UHRF2: variants seen among roughly 807,000 people sequenced by gnomAD.
UHRF2 encodes the protein ubiquitin like with PHD and ring finger domains 2.
In UHRF2, 23 loss-of-function variants were observed where a neutral mutation model predicts 96.8. That is an observed-to-expected ratio of 0.24 (90% confidence interval 0.17 to 0.34). The LOEUF (loss-of-function observed/expected upper bound fraction) is 0.34, where lower values mean the gene tolerates loss of function less well. Among genes scored for constraint, UHRF2 ranks in the 10% least tolerant of loss-of-function variants. The pLI is 1.00. For synonymous variants in UHRF2, 385 were observed against 332.6 expected (o/e 1.16, Z -1.72); for missense variants, 685 against 981.5 (o/e 0.70, Z 4.04).
chr9:6,419,414 T>C (rs1392442868), intron 1 of UHRF2, among the ~76,000 whole-genome samples: 1 of 152,178 alleles, frequency 6.6e-6, no homozygotes, highest in Non-Finnish European at 1.5e-5. Context: ...TTAGAGAACT[T>C]CAGGCAAGTG....
chr9:6,491,426 C>G (rs977254893), intron 9 of UHRF2, among the ~76,000 whole-genome samples: 4 of 152,206 alleles, frequency 2.6e-5, no homozygotes, highest in African/African-American at 7.2e-5. Context: ...GTGTGTTACA[C>G]TAGCAGTGGT....
intron 3 of UHRF2, among the ~76,000 whole-genome samples, chr9:6,447,645 T>C (rs987973183): frequency 6.6e-6 from 1 of 152,170 alleles, no homozygotes; most frequent in Non-Finnish European, 1.5e-5. Context: ...TACATGTTTC[T>C]TTCCACTCCT....
At chr9:6,464,001 C>T (rs1822715255) in intron 4 of UHRF2, among the ~76,000 whole-genome samples, 2 of 152,116 alleles carry the variant, frequency 1.3e-5, no homozygotes, top group Non-Finnish European at 2.9e-5. Context: ...GTTGTAGAAC[C>T]TGTGCATCTT....
chr9:6,480,268 A>G (rs775483308), intron 6 of UHRF2, among the ~76,000 whole-genome samples: 2 of 152,152 alleles, frequency 1.3e-5, no homozygotes, highest in Non-Finnish European at 2.9e-5. Flanking sequence ...CTCTTGTCAC[A>G]TATAACCCTG....
intron 3 of UHRF2, among the ~76,000 whole-genome samples, chr9:6,451,156 C>G (rs1024511172): frequency 6.6e-6 from 1 of 152,130 alleles, no homozygotes; most frequent in African/African-American, 2.4e-5. Context: ...ATATTGCAAA[C>G]AATAGGACTA....
Position 6,504,578 on chromosome 9 carries a change from T to TG in UHRF2, c.2164-13dup, listed in dbSNP as rs1160728208. The TG allele has an allele frequency of 6.3e-7, 1 of 1,598,980 alleles. No individual in the cohort carries two copies. The highest frequency in any genetic ancestry group is 1.3e-5 in the African/African-American group (1 of 74,662). On this transcript the variant is annotated splice_polypyrimidine_tract_variant and intron_variant, in intron 14 of 15. Coordinates refer to ENST00000276893, the MANE Select transcript of UHRF2 (RefSeq NM_152896.3). Reference sequence around the variant, plus strand: ...CTGCTAACTTTTCTTTCCTTATCCTTGGATACTGTTCTAGAATTTTCTGAA... The same window carrying TG: ...CTGCTAACTTTTCTTTCCTTATCCTTGGGATACTGTTCTAGAATTTTCTGAA...
chr9:6,436,694 A>G (rs1275027577), intron 3 of UHRF2, among the ~76,000 whole-genome samples: 1 of 152,234 alleles, frequency 6.6e-6, no homozygotes, highest in Non-Finnish European at 1.5e-5. Flanking sequence ...AAGACTATCC[A>G]ATGGATAGGA....
intron 4 of UHRF2, among the ~76,000 whole-genome samples, chr9:6,467,000 C>T (rs1378256766): frequency 1.3e-5 from 2 of 152,200 alleles, no homozygotes; most frequent in Admixed American, 6.5e-5. Flanking sequence ...TTTATTATCA[C>T]CCCATTTGTA....
chr9:6,462,047 C>G (rs1411597848), intron 4 of UHRF2, among the ~76,000 whole-genome samples: 2 of 151,262 alleles, frequency 1.3e-5, no homozygotes, highest in Non-Finnish European at 2.9e-5. Context: ...GTGTCAAGTT[C>G]TGATTAACTG....
intron 9 of UHRF2, chr9:6,492,389 A>G (rs1824715004): frequency 8.8e-7 from 1 of 1,142,228 alleles, no homozygotes; most frequent in Non-Finnish European, 1.1e-6. Flanking sequence ...AAGTATTCTA[A>G]ACTGTTCTAG....
At chr9:6,499,648 T>TGGGATTTTAA (rs1292007553) in intron 12 of UHRF2, 187 bp from the exon 13 acceptor site, 3 of 408,368 alleles carry the variant, frequency 7.3e-6, no homozygotes, top group Non-Finnish European at 1.4e-5. Context: ...CTACATAAAT[T>TGGGATTTTAA]GGGATTTTAA....
At chr9:6,484,195 C>G (rs183058712) in intron 8 of UHRF2, among the ~76,000 whole-genome samples, 118 of 151,720 alleles carry the variant, frequency 7.8e-4, no homozygotes, top group African/African-American at 2.6e-3. Context: ...CTAGCTAGGA[C>G]TAAAGATGTA....
chr9:6,417,723 T>C (rs1039116458), intron 1 of UHRF2, among the ~76,000 whole-genome samples: 43 of 152,334 alleles, frequency 2.8e-4, no homozygotes, highest in African/African-American at 1.0e-3. Flanking sequence ...TGGTTATATG[T>C]TACTGTGGAT....
intron 8 of UHRF2, among the ~76,000 whole-genome samples, chr9:6,486,050 G>T (rs1824272040): frequency 6.6e-6 from 1 of 152,098 alleles, no homozygotes; most frequent in Non-Finnish European, 1.5e-5. Context: ...CTGCACATAA[G>T]GCTAGGAAAA....
intron 3 of UHRF2, among the ~76,000 whole-genome samples, chr9:6,458,454 ATT>A (rs201101140): frequency 5.6e-5 from 8 of 141,694 alleles, no homozygotes; most frequent in African/African-American, 1.6e-4. Context: ...TGGATTGTTG[ATT>A]TTTTTTTTTT....
intron 10 of UHRF2, chr9:6,495,267 A>G (rs1824896025): frequency 6.6e-6 from 1 of 152,238 alleles, no homozygotes. Context: ...ATTGACAAGC[A>G]GTAAACATGT....
rs1337909967 is a variant in UHRF2 at position 6,434,082 on chromosome 9, A to T, written c.553A>T (p.Asn185Tyr). The change falls in exon 3 of 16, where the codon AAC becomes TAC. Residue 185 changes from asparagine (N) to tyrosine (Y), a missense_variant. Around this residue, in one of 6 missense-constraint regions of UHRF2, gnomAD observed 391 missense variants for 437.0 expected, o/e 0.89. Transcript: ENST00000276893. ...NGNIKHKSKENTNKLDSVPST... is the reference protein window; with the variant it reads ...NGNIKHKSKEYTNKLDSVPST... Reference sequence around the variant, plus strand: ...AAATATAAAGCATAAATCCAAAGAGAACACAAATAAATTGGACAGTGTACC... The same window carrying T: ...AAATATAAAGCATAAATCCAAAGAGTACACAAATAAATTGGACAGTGTACC... The T allele has an allele frequency of 6.2e-7, 1 of 1,614,118 alleles. No homozygotes were observed. The highest frequency in any genetic ancestry group is 1.7e-5 in the Admixed American group (1 of 60,022).
intron 8 of UHRF2, among the ~76,000 whole-genome samples, chr9:6,485,098 A>C (rs1035488199): frequency 1.3e-5 from 2 of 151,970 alleles, no homozygotes; most frequent in African/African-American, 2.4e-5. Flanking sequence ...CAGCCATATT[A>C]ACTTCTTTCT....
chr9:6,440,499 C>T (rs1170940629), intron 3 of UHRF2, among the ~76,000 whole-genome samples: 1 of 152,134 alleles, frequency 6.6e-6, no homozygotes, highest in Non-Finnish European at 1.5e-5. Flanking sequence ...TAATAGCCAA[C>T]TTTTCTATGT....
Sources: gnomAD v4.1 joint callset for allele counts (sites outside exome capture counted in the v4.1 genomes callset) on GRCh38, gnomAD v4.1.1 for gene constraint, gnomAD v4.1.1 regional missense constraint, MANE v1.5 for transcripts, NCBI Gene and HGNC (gene_info 2026-07-23, HGNC 2026-07-21) for gene names.